ASB18: variants seen among roughly 807,000 people sequenced by gnomAD.
ASB18 encodes the protein ankyrin repeat and SOCS box containing 18.
A neutral mutation model predicts 33.4 loss-of-function variants in ASB18; 33 were observed. The observed-to-expected ratio is 0.99, with a 90% CI of 0.75 to 1.32. The LOEUF (loss-of-function observed/expected upper bound fraction) is 1.32. Among genes scored for constraint, ASB18 ranks in the 40% most tolerant of loss-of-function variants. ASB18 has a pLI of 0.00. For missense variants in ASB18, 694 were observed against 655.5 expected (o/e 1.06, Z -0.64); for synonymous variants, 295 against 307.6 (o/e 0.96, Z 0.43).
intron 4 of ASB18, chr2:236,210,487 A>C (rs750945633): frequency 6.6e-6 from 1 of 152,352 alleles, no homozygotes; most frequent in South Asian, 2.1e-4. Context: ...AATGCAATCC[A>C]TAAGTCTCAC....
At position 236,241,833 on chromosome 2, in the gene ASB18, T is replaced by C. The variant is rs543201712; in HGVS notation, c.206-431A>G. ...GGCAGACTCCCAGCACACATTTAAT[T>C]GTGATGGACTCATTTATCCTGCTGT... On this transcript the variant is annotated intron_variant, in intron 1 of 5. Coordinates refer to ENST00000409749, the MANE Select transcript of ASB18 (RefSeq NM_212556.4). The surrounding 1 kb of genome is among the most constrained non-coding windows in gnomAD (Gnocchi z 4.2). Among the ~76,000 whole-genome samples, 24 of 152,292 alleles carry C rather than the reference T, an allele frequency of 1.6e-4. 1 individual carries two copies. In the South Asian group the frequency reaches 4.6e-3, roughly 29 times the overall value.
At position 236,252,970 on chromosome 2, in the gene ASB18, C is replaced by A. The variant is rs1432630748; in HGVS notation, c.205+11171G>T. ...AGCTAGAGCTGTCCTGCCATTTTGG[C>A]CCCATGCAGGGAAAACTGTGACAGG... On this transcript the variant is annotated intron_variant, in intron 1 of 5. Transcript: ENST00000409749. The surrounding 1 kb of genome is among the most constrained non-coding windows in gnomAD (Gnocchi z 7.9). Among the ~76,000 whole-genome samples the A allele has an allele frequency of 6.6e-6, 1 of 152,232 alleles. No homozygotes were observed. Among genetic ancestry groups the A allele is most frequent in the East Asian group, 1.9e-4 (1 of 5,194 alleles).
chr2:236,253,331 C>G lies in ASB18; in HGVS notation c.205+10810G>C, dbSNP rs1044825719. Among the ~76,000 whole-genome samples the G allele has an allele frequency of 6.6e-6, 1 of 152,120 alleles. No individual in the cohort carries two copies. Among genetic ancestry groups the G allele is most frequent in the African/African-American group, 2.4e-5 (1 of 41,412 alleles). On this transcript the variant is annotated intron_variant, in intron 1 of 5. Transcript: ENST00000409749. The surrounding 1 kb of genome is among the most constrained non-coding windows in gnomAD (Gnocchi z 5.4). ...GGACCAGGGATTTTCTTTTCTGAGT[C>G]TAATTTGTTGCAGTTTGATTCTCAT...
chr2:236,264,031 C>T lies in ASB18; in HGVS notation c.205+110G>A. 1.2e-6 allele frequency: 1 copy of T among 833,702 alleles called. No individual in the cohort carries two copies. Among genetic ancestry groups the T allele is most frequent in the Middle Eastern group, 3.4e-4 (1 of 2,924 alleles). The allele number at this position is 833,702 out of a possible 1,614,324, so 51.6% of individuals were successfully genotyped here. On this transcript the variant is annotated intron_variant, in intron 1 of 5. Coordinates refer to ENST00000409749, the MANE Select transcript of ASB18 (RefSeq NM_212556.4). The surrounding 1 kb of genome is among the most constrained non-coding windows in gnomAD (Gnocchi z 5.1). ...TGTATGAGAGTCAGATATCCGAGTA[C>T]ATATCATTTACTTTTTCCAAACATT...
In ASB18 at chr2:236,223,383, A is replaced by G. The variant is rs2060521853; in HGVS notation, c.597-8517T>C. 6.6e-6 allele frequency among the ~76,000 whole-genome samples: 1 copy of G among 152,164 alleles called. No individual in the cohort carries two copies. The highest frequency in any genetic ancestry group is 2.1e-4 in the South Asian group (1 of 4,822). ...GGTCCCAATATACTAGGTGAAGAGG[A>G]AGACCCAGTAGCATCAGAGTGAGTG... On this transcript the variant is annotated intron_variant, in intron 3 of 5. Transcript: ENST00000409749. The surrounding 1 kb of genome is among the most constrained non-coding windows in gnomAD (Gnocchi z 4.6).
At position 236,214,820 on chromosome 2, in the gene ASB18, C is replaced by A. The variant is rs1030441984; in HGVS notation, c.643G>T (p.Gly215Cys). The A allele has an allele frequency of 2.5e-6, 3 of 1,214,150 alleles. No homozygotes were observed. In the African/African-American group the frequency reaches 4.7e-5, roughly 19 times the overall value. The allele number at this position is 1,214,150 out of a possible 1,614,324, so 75.2% of individuals were successfully genotyped here. A position where few individuals can be genotyped will look rare whatever the true frequency, so the allele number is the denominator to read the frequency against. The change falls in exon 4 of 6, where the codon GGC becomes TGC. Residue 215 changes from glycine to cysteine, a missense_variant. Physicochemically the swap from Gly to Cys is radical, Grantham distance 159. Transcript: ENST00000409749. The surrounding 1 kb of genome is among the most constrained non-coding windows in gnomAD (Gnocchi z 6.5). Reference sequence around the variant, plus strand: ...AGCGGCGTGTCCCGGCCCGTGCCGCCCACGCGCTGCACCGAGGCCCCGTGC... The same window carrying A: ...AGCGGCGTGTCCCGGCCCGTGCCGCACACGCGCTGCACCGAGGCCCCGTGC... ...LEHGASVQRV[G>C]GTGRDTPLHV...
rs757179699 is a variant in ASB18, at chr2:236,255,913, C to T, written c.205+8228G>A. ...TTATCTGGGCTTCCTTCCTTTGGATCACAGCCTCCCAGGAACATGCTCCTG... is the reference window on the plus strand; with the variant it reads ...TTATCTGGGCTTCCTTCCTTTGGATTACAGCCTCCCAGGAACATGCTCCTG... On this transcript the variant is annotated intron_variant, in intron 1 of 5. Coordinates refer to ENST00000409749, the MANE Select transcript of ASB18 (RefSeq NM_212556.4). This position sits in a 1 kb window ranked among gnomAD's most constrained non-coding sequence, Gnocchi z 4.4. Among the ~76,000 whole-genome samples the T allele has an allele frequency of 6.6e-6, 1 of 152,190 alleles. No homozygotes were observed. Among genetic ancestry groups the T allele is most frequent in the Non-Finnish European group, 1.5e-5 (1 of 68,044 alleles).
chr2:236,212,490 G>A (rs575223063), intron 4 of ASB18, among the ~76,000 whole-genome samples: 10 of 152,124 alleles, frequency 6.6e-5, no homozygotes, highest in African/African-American at 1.9e-4. Context: ...ATTTCTAGTC[G>A]CTACTGAAAT....
At position 236,249,544 on chromosome 2, in the gene ASB18, C is replaced by T. The variant is rs1346462797; in HGVS notation, c.206-8142G>A. 2.0e-5 allele frequency: 3 copies of T among 152,082 alleles called. No homozygotes were observed. Among genetic ancestry groups the T allele is most frequent in the Non-Finnish European group, 2.9e-5 (2 of 68,036 alleles). The allele number at this position is 152,082 out of a possible 1,614,324, so 9.4% of individuals were successfully genotyped here. On this transcript the variant is annotated intron_variant, in intron 1 of 5. Coordinates refer to ENST00000409749, the MANE Select transcript of ASB18 (RefSeq NM_212556.4). The surrounding 1 kb of genome is among the most constrained non-coding windows in gnomAD (Gnocchi z 4.6). ...GGCCCATGGGGTTTCAACGTCTATT[C>T]CAGGGTGTTGGTCAAGGAAATGCTT...
At chr2:236,247,260 C>T (rs1254724699) in intron 1 of ASB18, 1 of 150,658 alleles carries the variant, frequency 6.6e-6, no homozygotes, top group African/African-American at 2.4e-5. Flanking sequence ...CAAGAATAGC[C>T]ACATGTTGAT....
intron 4 of ASB18, among the ~76,000 whole-genome samples, chr2:236,210,756 AT>A (rs1370482306): frequency 3.3e-5 from 5 of 152,218 alleles, no homozygotes; most frequent in African/African-American, 1.2e-4. Context: ...AAAGCTGGCC[AT>A]GTAAACTGAG....
At chr2:236,246,394 A>G (rs1359406383) in intron 1 of ASB18, among the ~76,000 whole-genome samples, 1 of 137,280 alleles carries the variant, frequency 7.3e-6, no homozygotes, top group Non-Finnish European at 1.6e-5. Flanking sequence ...TGGCTACTGT[A>G]TGCCCCCTGA....
At position 236,225,748 on chromosome 2, in the gene ASB18, T is replaced by C. The variant is rs1178185583; in HGVS notation, c.597-10882A>G. Among the ~76,000 whole-genome samples, 1 of 152,104 alleles carries C rather than the reference T, an allele frequency of 6.6e-6. No individual in the cohort carries two copies. Among genetic ancestry groups the C allele is most frequent in the Non-Finnish European group, 1.5e-5 (1 of 68,020 alleles). ...TAAAGCTCTGATATCCCTTTCAGTG[T>C]GTTGAATTCTGAATTCTGAAGCTTG... On this transcript the variant is annotated intron_variant, in intron 3 of 5. Transcript: ENST00000409749. This position sits in a 1 kb window ranked among gnomAD's most constrained non-coding sequence, Gnocchi z 5.1.
Position 236,264,255 on chromosome 2 carries a change from T to A in ASB18, c.91A>T (p.Arg31Ter). Residue 31 changes from arginine (R) to a stop codon, truncating the protein, a stop_gained, in exon 1 of 6, where the codon AGA becomes TGA. Coordinates refer to ENST00000409749, the MANE Select transcript of ASB18 (RefSeq NM_212556.4). LOFTEE classifies it high-confidence loss of function. The surrounding 1 kb of genome is among the most constrained non-coding windows in gnomAD (Gnocchi z 5.1). ...KSALDAKDEE[R>*]VRDLICTEIT... The stretch of plus-strand genomic sequence containing the variant: ...TCAGTGCAGATTAAATCCCTCACTC[T>A]CTCCTCATCTTTGGCATCCAGGGCA... 6.2e-7 allele frequency: 1 copy of A among 1,614,002 alleles called. No individual in the cohort carries two copies. Among genetic ancestry groups the A allele is most frequent in the Non-Finnish European group, 8.5e-7 (1 of 1,179,882 alleles).
At chr2:236,261,800 T>G (rs1252609088) in intron 1 of ASB18, among the ~76,000 whole-genome samples, 1 of 151,800 alleles carries the variant, frequency 6.6e-6, no homozygotes, top group African/African-American at 2.4e-5. Context: ...TGGCAGAAGG[T>G]GAGGGAAGAA....
At chr2:236,224,190 T>G (rs933034508) in intron 3 of ASB18, among the ~76,000 whole-genome samples, 29 of 145,992 alleles carry the variant, frequency 2.0e-4, no homozygotes, top group Admixed American at 4.8e-4. Context: ...GTCAGGTTTT[T>G]TTTTTTTTTT....
intron 1 of ASB18, among the ~76,000 whole-genome samples, chr2:236,261,167 C>T (rs544925122): frequency 1.3e-5 from 2 of 152,308 alleles, no homozygotes; most frequent in Non-Finnish European, 2.9e-5. Flanking sequence ...ACACCAATCC[C>T]CTTTTTGAAA....
rs927408909 is a variant in ASB18 at position 236,259,851 on chromosome 2, G to T, written c.205+4290C>A. 1.3e-5 allele frequency among the ~76,000 whole-genome samples: 2 copies of T among 152,234 alleles called. No homozygotes were observed. Among genetic ancestry groups the T allele is most frequent in the African/African-American group, 4.8e-5 (2 of 41,456 alleles). The stretch of plus-strand genomic sequence containing the variant: ...TGTTCTGTGCTTTCCCCCAATGTCT[G>T]CTGGGGCTAAAATTTTCAGTTCCTT... On this transcript the variant is annotated intron_variant, in intron 1 of 5. Transcript: ENST00000409749. This position sits in a 1 kb window ranked among gnomAD's most constrained non-coding sequence, Gnocchi z 4.4.
rs1227667095 is a variant in ASB18 at position 236,223,810 on chromosome 2, A to C, written c.597-8944T>G. Among the ~76,000 whole-genome samples, 3 of 152,272 alleles carry C rather than the reference A, an allele frequency of 2.0e-5. No homozygotes were observed. Among genetic ancestry groups the C allele is most frequent in the African/African-American group, 7.2e-5 (3 of 41,560 alleles). ...TATCTGGCTTCTTTTGCTCAGCATC[A>C]TGCTGTTCACATTCATCCATACTGT... is the stretch of plus-strand genomic sequence containing the variant. On this transcript the variant is annotated intron_variant, in intron 3 of 5. Transcript: ENST00000409749. This position sits in a 1 kb window ranked among gnomAD's most constrained non-coding sequence, Gnocchi z 4.6.
Sources: gnomAD v4.1 joint callset for allele counts (sites outside exome capture counted in the v4.1 genomes callset) on GRCh38, gnomAD v4.1.1 for gene constraint, Gnocchi (gnomAD v3.1) non-coding constraint, MANE v1.5 for transcripts, NCBI Gene and HGNC (gene_info 2026-07-23, HGNC 2026-07-21) for gene names.